TMOD3: variants seen among roughly 807,000 people sequenced by gnomAD.
TMOD3 encodes the protein tropomodulin-3.
TMOD3 carries 20 observed loss-of-function variants against 39.2 expected under a neutral mutation model. The observed-to-expected ratio is 0.51, with a 90% CI of 0.36 to 0.74. The LOEUF (loss-of-function observed/expected upper bound fraction) is 0.74. Among genes scored for constraint, TMOD3 ranks in the 30% least tolerant of loss-of-function variants. The pLI is 0.00. For synonymous variants in TMOD3, 143 were observed against 145.8 expected, an observed-to-expected ratio of 0.98 and a Z score of 0.14; for missense variants, 381 against 412.8, an observed-to-expected ratio of 0.92 and a Z score of 0.67.
chr15:51,841,341 T>C (rs770988791), intron 1 of TMOD3, among the ~76,000 whole-genome samples: 15 of 152,252 alleles, frequency 9.9e-5, no homozygotes, highest in Non-Finnish European at 1.6e-4. Flanking sequence ...AAGGTAATAA[T>C]TGATAGTTGT....
chr15:51,882,414 G>A (rs571593807), intron 3 of TMOD3, among the ~76,000 whole-genome samples: 6 of 151,876 alleles, frequency 4.0e-5, no homozygotes, highest in Admixed American at 1.3e-4. Flanking sequence ...TACGAGAATC[G>A]CTTGAACCCA....
chr15:51,904,706 G>T (rs2056669355), intron 9 of TMOD3, among the ~76,000 whole-genome samples: 1 of 152,274 alleles, frequency 6.6e-6, no homozygotes, highest in South Asian at 2.1e-4. Context: ...TAGACACTTT[G>T]CCTGCATTTC....
chr15:51,901,808 G>A, intron 8 of TMOD3, 84 bp from the exon 9 acceptor site: 3 of 1,357,234 alleles, frequency 2.2e-6, no homozygotes, highest in Non-Finnish European at 3.0e-6. Context: ...CAAAGAATTA[G>A]CATGTGCCTG....
chr15:51,842,068 G>A (rs1444778194), intron 1 of TMOD3, among the ~76,000 whole-genome samples: 1 of 152,204 alleles, frequency 6.6e-6, no homozygotes, highest in Admixed American at 6.5e-5. Context: ...GAGCCACTGT[G>A]CCTGGCCTGG....
At chr15:51,898,092 C>T (rs2056630636) in intron 7 of TMOD3, among the ~76,000 whole-genome samples, 1 of 152,170 alleles carries the variant, frequency 6.6e-6, no homozygotes, top group Non-Finnish European at 1.5e-5. Flanking sequence ...TAGCAGCTTC[C>T]CATCTCATTA....
At chr15:51,892,617 C>T (rs569536293) in intron 5 of TMOD3, 2 of 152,334 alleles carry the variant, frequency 1.3e-5, no homozygotes, top group Admixed American at 6.5e-5. Context: ...CCTTCTTTCT[C>T]GCAGGAAGTT....
At chr15:51,900,366 CAGGATG>C in intron 8 of TMOD3, 68 bp downstream of exon 8, 1 of 1,569,602 alleles carries the variant, frequency 6.4e-7, no homozygotes, top group South Asian at 1.2e-5. Flanking sequence ...CTTGGCGACT[CAGGATG>C]GGGATGGGAG....
intron 1 of TMOD3, among the ~76,000 whole-genome samples, chr15:51,854,612 AT>A (rs1360218588): frequency 6.6e-6 from 1 of 152,216 alleles, no homozygotes; most frequent in Non-Finnish European, 1.5e-5. Flanking sequence ...ATAAGTGGAA[AT>A]TGGTTGAACA....
chr15:51,895,121 G>T (rs1008335201), intron 6 of TMOD3, among the ~76,000 whole-genome samples: 1 of 152,122 alleles, frequency 6.6e-6, no homozygotes, highest in African/African-American at 2.4e-5. Context: ...TGAGCCTAGG[G>T]AAGGAAGCTT....
intron 1 of TMOD3, among the ~76,000 whole-genome samples, chr15:51,838,494 G>A (rs147474552): frequency 3.3e-5 from 5 of 152,178 alleles, no homozygotes; most frequent in Admixed American, 6.5e-5. Flanking sequence ...GCTGAGGTCC[G>A]TGAAATGACC....
intron 1 of TMOD3, among the ~76,000 whole-genome samples, chr15:51,850,673 T>G (rs979864086): frequency 2.0e-5 from 3 of 152,152 alleles, no homozygotes; most frequent in Non-Finnish European, 4.4e-5. Context: ...GTTCATGTAT[T>G]TTTTCTCCAG....
intron 4 of TMOD3, among the ~76,000 whole-genome samples, chr15:51,888,243 T>C (rs1434506930): frequency 6.6e-6 from 1 of 152,192 alleles, no homozygotes; most frequent in Non-Finnish European, 1.5e-5. Flanking sequence ...TCCCTACCCA[T>C]GTACAATCTA....
At chr15:51,839,325 ATGCC>A (rs1213014889) in intron 1 of TMOD3, among the ~76,000 whole-genome samples, 1 of 151,362 alleles carries the variant, frequency 6.6e-6, no homozygotes, top group Non-Finnish European at 1.5e-5. Context: ...ACGTGCCACC[ATGCC>A]TGGCTAATTT....
intron 3 of TMOD3, among the ~76,000 whole-genome samples, chr15:51,878,613 T>C (rs541973714): frequency 6.6e-6 from 1 of 152,194 alleles, no homozygotes; most frequent in African/African-American, 2.4e-5. Flanking sequence ...GTCTAGTATA[T>C]ACAAACTCAC....
chr15:51,865,079 T>A (rs764427907), intron 2 of TMOD3, among the ~76,000 whole-genome samples: 2 of 152,136 alleles, frequency 1.3e-5, no homozygotes, highest in Non-Finnish European at 2.9e-5. Flanking sequence ...CTCGAACTTC[T>A]GGGCTCAAGC....
intron 1 of TMOD3, among the ~76,000 whole-genome samples, chr15:51,838,403 G>C (rs569334552): frequency 3.2e-4 from 48 of 152,216 alleles, no homozygotes; most frequent in African/African-American, 1.1e-3. Flanking sequence ...AGGTCTCCGG[G>C]AACACAAACC....
At chr15:51,902,735 C>T (rs1247272921) in intron 9 of TMOD3, among the ~76,000 whole-genome samples, 10 of 151,176 alleles carry the variant, frequency 6.6e-5, no homozygotes, top group African/African-American at 1.9e-4. Flanking sequence ...CTGCAAGCTC[C>T]GCCTCCCAGG....
chr15:51,860,893 G>A (rs559802568), intron 1 of TMOD3: 4 of 404,630 alleles, frequency 9.9e-6, no homozygotes, highest in Admixed American at 5.8e-5. Context: ...CCGAGGTCAT[G>A]CCACTGCACT....
chr15:51,902,045 T>A lies in TMOD3; in HGVS notation c.1024+9T>A, dbSNP rs1166055833. 6.2e-7 allele frequency: 1 copy of A among 1,612,644 alleles called. No homozygotes were observed. The highest frequency in any genetic ancestry group is 8.5e-7 in the Non-Finnish European group (1 of 1,179,690). ...AAAAAACAATGACTTAGGTAAGACA[T>A]AGTATCGATCAAGTTTCTGAGTTCT... On this transcript the variant is annotated intron_variant, in intron 9 of 9. Coordinates refer to ENST00000308580, the MANE Select transcript of TMOD3 (RefSeq NM_014547.5).
Sources: allele counts gnomAD v4.1 joint callset (sites outside exome capture counted in the v4.1 genomes callset), GRCh38; gene constraint gnomAD v4.1.1; transcripts MANE v1.5; gene names NCBI Gene and HGNC (gene_info 2026-07-23, HGNC 2026-07-21).